Variants in DENND4C observed in about 807,000 individuals in gnomAD.
DENND4C encodes DENN domain containing 4C, also known as DENN domain-containing protein 4C.
In DENND4C, 108 loss-of-function variants were observed where a neutral mutation model predicts 203.0. That is an observed-to-expected ratio of 0.53 (90% confidence interval 0.46 to 0.62). The LOEUF (loss-of-function observed/expected upper bound fraction) is 0.62. Ranked by LOEUF, DENND4C falls within the 20% of genes least tolerant of loss-of-function variation. The probability of loss-of-function intolerance (pLI) is 0.00; values close to 1 mark genes in which losing one functional copy is unlikely to be tolerated. For synonymous variants in DENND4C, 871 were observed against 792.4 expected (o/e 1.10, Z -1.67); for missense variants, 2,481 against 2,301.2 (o/e 1.08, Z -1.60).
intron 30 of DENND4C, 89 bp downstream of exon 30, chr9:19,362,052 C>A: frequency 1.4e-6 from 1 of 698,290 alleles, no homozygotes; most frequent in Middle Eastern, 2.8e-4. Flanking sequence ...GGCTGGCGGA[C>A]CACTTGAGGT....
chr9:19,368,174 G>T (rs911452234), intron 30 of DENND4C, among the ~76,000 whole-genome samples: 1 of 151,584 alleles, frequency 6.6e-6, no homozygotes, highest in African/African-American at 2.4e-5. Flanking sequence ...ACTATTCAAA[G>T]TCTATCATTT....
chr9:19,242,537 C>T (rs918749402), intron 1 of DENND4C, among the ~76,000 whole-genome samples: 2 of 152,280 alleles, frequency 1.3e-5, no homozygotes, highest in Non-Finnish European at 2.9e-5. Flanking sequence ...TTTGTATTTC[C>T]ATCAGCAGTG....
rs1022514896 is a variant in DENND4C, at chr9:19,359,546, T to C, written c.5161-698T>C. Among the ~76,000 whole-genome samples the C allele has an allele frequency of 2.6e-5, 4 of 151,822 alleles. No homozygotes were observed. In the East Asian group the frequency reaches 7.7e-4, roughly 29 times the overall value. On this transcript the variant is annotated intron_variant, in intron 28 of 32. Transcript: ENST00000434457. ...TTTCTTGCTTTCTTATATGACAAGATGTTTTATGCTTATGTTATATACTTT... is the reference window on the plus strand; with the variant it reads ...TTTCTTGCTTTCTTATATGACAAGACGTTTTATGCTTATGTTATATACTTT...
At chr9:19,266,483 T>G (rs1243945757) in intron 1 of DENND4C, among the ~76,000 whole-genome samples, 1 of 152,212 alleles carries the variant, frequency 6.6e-6, no homozygotes, top group Non-Finnish European at 1.5e-5. Flanking sequence ...TTTGTCAATT[T>G]TGGCTTTTGT....
intron 17 of DENND4C, among the ~76,000 whole-genome samples, chr9:19,332,778 T>TA: frequency 6.7e-6 from 1 of 149,292 alleles, no homozygotes; most frequent in Middle Eastern, 3.4e-3. Context: ...TTTTTTTTTT[T>TA]TTTTTTTAAG....
intron 20 of DENND4C, among the ~76,000 whole-genome samples, chr9:19,338,339 C>G (rs1399688806): frequency 6.6e-6 from 1 of 152,030 alleles, no homozygotes; most frequent in East Asian, 1.9e-4. Flanking sequence ...CACCTTTCCC[C>G]TTATTCCTTC....
At chr9:19,308,963 A>C (rs79744013) in intron 10 of DENND4C, among the ~76,000 whole-genome samples, 5,536 of 152,296 alleles carry the variant, frequency 0.036, 336 homozygotes, top group African/African-American at 0.13. Flanking sequence ...CCTTGAAAAC[A>C]TTATGTTAAA....
At chr9:19,246,169 T>A (rs1192922675) in intron 1 of DENND4C, among the ~76,000 whole-genome samples, 1 of 152,236 alleles carries the variant, frequency 6.6e-6, no homozygotes, top group East Asian at 1.9e-4. Context: ...GTGATAAAAC[T>A]CTTGTTCTTC....
intron 30 of DENND4C, among the ~76,000 whole-genome samples, chr9:19,369,318 T>G (rs544723676): frequency 2.0e-5 from 3 of 152,168 alleles, no homozygotes; most frequent in African/African-American, 7.2e-5. Flanking sequence ...CCACCATATA[T>G]TAGAAGAGAA....
At chr9:19,247,137 A>T (rs780465231) in intron 1 of DENND4C, among the ~76,000 whole-genome samples, 1 of 152,188 alleles carries the variant, frequency 6.6e-6, no homozygotes, top group Non-Finnish European at 1.5e-5. Context: ...TCTGGATGCC[A>T]TATATTATCT....
rs1417143675 is a variant in DENND4C at position 19,313,507 on chromosome 9, A to T, written c.1488-2910A>T. ...ATCCAGACGATAATGACAGTATTTT[A>T]TTTGGGGGTGGGGTTAAAAGATAGC... On this transcript the variant is annotated intron_variant, in intron 10 of 32. Coordinates refer to ENST00000434457, the MANE Select transcript of DENND4C (RefSeq NM_001330640.2). 1.3e-5 allele frequency among the ~76,000 whole-genome samples: 2 copies of T among 152,192 alleles called. 1 individual carries two copies. Among genetic ancestry groups the T allele is most frequent in the African/African-American group, 4.8e-5 (2 of 41,450 alleles).
chr9:19,260,219 G>T (rs1321107308), intron 1 of DENND4C, among the ~76,000 whole-genome samples: 2 of 152,124 alleles, frequency 1.3e-5, no homozygotes, highest in East Asian at 3.8e-4. Context: ...GCATTTCTCT[G>T]ATGACCAGTG....
In DENND4C at chr9:19,336,251, A is replaced by G; in HGVS notation, c.2590-19A>G. The G allele has an allele frequency of 6.2e-7, 1 of 1,603,934 alleles. No individual in the cohort carries two copies. The highest frequency in any genetic ancestry group is 1.7e-5 in the Admixed American group (1 of 57,464). ...GATATTGCTAATGAACATTATTTTTACCCTTATTTTACCTTTAGGTAGTCT... is the reference window on the plus strand; with the variant it reads ...GATATTGCTAATGAACATTATTTTTGCCCTTATTTTACCTTTAGGTAGTCT... On this transcript the variant is annotated intron_variant, in intron 18 of 32. Coordinates refer to ENST00000434457, the MANE Select transcript of DENND4C (RefSeq NM_001330640.2).
At chr9:19,243,547 A>G (rs1811220783) in intron 1 of DENND4C, among the ~76,000 whole-genome samples, 1 of 152,106 alleles carries the variant, frequency 6.6e-6, no homozygotes, top group Non-Finnish European at 1.5e-5. Flanking sequence ...CCTGCTGCCC[A>G]GTAATCTGTT....
At chr9:19,303,575 C>A (rs1385630665) in intron 9 of DENND4C, among the ~76,000 whole-genome samples, 1 of 152,162 alleles carries the variant, frequency 6.6e-6, no homozygotes, top group Non-Finnish European at 1.5e-5. Context: ...GGAGAGTGAT[C>A]TCTTTCATTT....
Position 19,290,695 on chromosome 9 carries a change from C to T in DENND4C, c.629-9C>T, listed in dbSNP as rs764718689. 2.4e-5 allele frequency: 34 copies of T among 1,404,260 alleles called. No homozygotes were observed. The highest frequency in any genetic ancestry group is 3.1e-5 in the Non-Finnish European group (33 of 1,069,876). 87.0% of individuals were successfully genotyped at this position (1,404,260 alleles called of 1,614,324 possible). ...TTAAAAAATTTATTGTTGTCTCATTCTTCAAAAGGTTTAATTTTTAGATAT... is the reference window on the plus strand; with the variant it reads ...TTAAAAAATTTATTGTTGTCTCATTTTTCAAAAGGTTTAATTTTTAGATAT... On this transcript the variant is annotated splice_polypyrimidine_tract_variant and intron_variant, in intron 4 of 32. Transcript: ENST00000434457.
chr9:19,321,377 C>A (rs1190982280), intron 12 of DENND4C, among the ~76,000 whole-genome samples: 1 of 152,004 alleles, frequency 6.6e-6, no homozygotes, highest in African/African-American at 2.4e-5. Flanking sequence ...ATCAAGAGCA[C>A]CTTTGAGGTT....
At chr9:19,318,398 T>G (rs1842198732) in intron 12 of DENND4C, among the ~76,000 whole-genome samples, 2 of 152,192 alleles carry the variant, frequency 1.3e-5, no homozygotes, top group South Asian at 4.1e-4. Flanking sequence ...TACTTCATGG[T>G]TGTGAAGATT....
At chr9:19,362,516 T>C (rs1353359455) in intron 30 of DENND4C, among the ~76,000 whole-genome samples, 1 of 147,326 alleles carries the variant, frequency 6.8e-6, no homozygotes, top group Non-Finnish European at 1.5e-5. Flanking sequence ...AAATTTTTAA[T>C]TAATTCAAAG....
Sources: gnomAD v4.1 joint callset for allele counts (sites outside exome capture counted in the v4.1 genomes callset) on GRCh38, gnomAD v4.1.1 for gene constraint, MANE v1.5 for transcripts, NCBI Gene and HGNC (gene_info 2026-07-23, HGNC 2026-07-21) for gene names.